The following NAV3 variants were observed in gnomAD, a reference collection of about 807,000 sequenced individuals.
NAV3 encodes the protein pore membrane and/or filament interacting like protein 1.
NAV3 carries 87 observed loss-of-function variants against 244.7 expected under a neutral mutation model. The ratio of observed to expected loss-of-function variants is 0.36; its 90% CI spans 0.30 to 0.42. The LOEUF (loss-of-function observed/expected upper bound fraction) is 0.42, where lower values mean the gene tolerates loss of function less well. Ranked by LOEUF, NAV3 falls within the 20% of genes least tolerant of loss-of-function variation. The pLI is 1.00. For synonymous variants in NAV3, 1,126 were observed against 1,042.2 expected (o/e 1.08, Z -1.55); for missense variants, 2,663 against 2,893.3 (o/e 0.92, Z 1.83).
chr12:77,739,394 G>A (rs995339123), intron 2 of NAV3, among the ~76,000 whole-genome samples: 1 of 150,676 alleles, frequency 6.6e-6, no homozygotes, highest in Non-Finnish European at 1.5e-5. Flanking sequence ...TGTGTATAGC[G>A]CATATCTATA....
At chr12:78,006,193 C>T (rs896895899) in intron 7 of NAV3, among the ~76,000 whole-genome samples, 9 of 151,932 alleles carry the variant, frequency 5.9e-5, no homozygotes, top group Non-Finnish European at 8.8e-5. Flanking sequence ...AAAATAAACA[C>T]GTCCCCCCAC....
At chr12:77,934,873 A>G (rs1348221171) in intron 1 of NAV3, among the ~76,000 whole-genome samples, 1 of 152,186 alleles carries the variant, frequency 6.6e-6, no homozygotes, top group Non-Finnish European at 1.5e-5. Context: ...CTCAGCTAAT[A>G]TTTTTAAATC....
At chr12:77,985,909 C>T (rs1441757034) in intron 5 of NAV3, among the ~76,000 whole-genome samples, 1 of 152,170 alleles carries the variant, frequency 6.6e-6, no homozygotes, top group Non-Finnish European at 1.5e-5. Flanking sequence ...CTCACTCTTA[C>T]ATATCTAAGG....
chr12:78,068,428 A>G (rs1020939136), intron 12 of NAV3, among the ~76,000 whole-genome samples: 10 of 150,882 alleles, frequency 6.6e-5, no homozygotes, highest in African/African-American at 1.2e-4. Context: ...TTCAGCTTCA[A>G]AAAAGTTGGT....
intron 2 of NAV3, among the ~76,000 whole-genome samples, chr12:77,650,890 T>C (rs896006098): frequency 2.6e-5 from 4 of 152,142 alleles, no homozygotes; most frequent in African/African-American, 9.6e-5. Flanking sequence ...CTGATAATGA[T>C]AGGAACAGCT....
In NAV3 at chr12:77,739,907, A is replaced by G. The variant is rs575387498; in HGVS notation, c.72+167641A>G. Among the ~76,000 whole-genome samples, 7 of 152,332 alleles carry G rather than the reference A, an allele frequency of 4.6e-5. 1 individual carries two copies. In the East Asian group the frequency reaches 1.3e-3, roughly 29 times the overall value. On this transcript the variant is annotated intron_variant, in intron 2 of 8. Transcript: ENST00000550042. ...TAAAAGACAAGTGTCCCAGTGTTTT[A>G]TAATGACTCACACAGTAATTTTTTC...
chr12:77,767,643 A>T (rs1169650549), intron 2 of NAV3, among the ~76,000 whole-genome samples: 1 of 152,210 alleles, frequency 6.6e-6, no homozygotes, highest in Non-Finnish European at 1.5e-5. Context: ...GCCTGCAGCT[A>T]AATCACATGC....
At chr12:77,627,329 T>C (rs74451174) in intron 2 of NAV3, among the ~76,000 whole-genome samples, 46 of 152,152 alleles carry the variant, frequency 3.0e-4, no homozygotes, top group African/African-American at 1.1e-3. Flanking sequence ...ATCAATACAA[T>C]CATTAAACAA....
In NAV3 at chr12:77,600,826, C is replaced by T. The variant is rs139415379; in HGVS notation, c.72+28560C>T. On this transcript the variant is annotated intron_variant, in intron 2 of 8. Transcript: ENST00000550042. The stretch of plus-strand genomic sequence containing the variant: ...ATCTAGCAGACATTGGGCTCTGGCT[C>T]CTAGTATCTTTTCAGGCAAATTTAT... Among the ~76,000 whole-genome samples the T allele has an allele frequency of 1.0e-3, 158 of 152,022 alleles. 1 individual carries two copies. The highest frequency in any genetic ancestry group is 3.5e-3 in the African/African-American group (145 of 41,510).
At chr12:78,189,923 A>G (rs1478380454) in intron 33 of NAV3, 61 bp from the exon 34 acceptor site, 1 of 1,258,920 alleles carries the variant, frequency 7.9e-7, no homozygotes, top group Non-Finnish European at 1.1e-6. Context: ...TTAGCATGAT[A>G]TTTTAAATTC....
chr12:77,862,459 A>G (rs1565866946), intron 1 of NAV3, among the ~76,000 whole-genome samples: 1 of 151,746 alleles, frequency 6.6e-6, no homozygotes, highest in African/African-American at 2.4e-5. Context: ...AGGATCATCT[A>G]TAACTGATGC....
chr12:77,691,604 C>G (rs1056237814), intron 2 of NAV3, among the ~76,000 whole-genome samples: 3 of 151,204 alleles, frequency 2.0e-5, no homozygotes, highest in Non-Finnish European at 3.0e-5. Flanking sequence ...ATATGAATGA[C>G]CAGACATTAA....
chr12:77,831,662 G>A lies in NAV3; in HGVS notation c.201G>A (p.Lys67=), dbSNP rs2136079377. ...AATCAACCTGTGAATTTGGAGAGAA[G>A]AAACCCCTCCAAGGAAAAGCCAAGG... The part of the protein sequence containing the change: ...ALKSTCEFGE[K]KPLQGKAKEK... Residue 67 remains lysine (K), a synonymous_variant, in exon 1 of 40, where the codon AAG becomes AAA. Transcript: ENST00000397909. 1 of 1,613,372 alleles carries A rather than the reference G, an allele frequency of 6.2e-7. No homozygotes were observed. The highest frequency in any genetic ancestry group is 1.3e-5 in the African/African-American group (1 of 74,982).
At chr12:77,607,884 C>T (rs564506548) in intron 2 of NAV3, among the ~76,000 whole-genome samples, 16 of 151,964 alleles carry the variant, frequency 1.1e-4, no homozygotes, top group Non-Finnish European at 1.8e-4. Flanking sequence ...AAAGTTGCCC[C>T]GTAAATAATT....
At chr12:78,000,646 G>GGCGCCCGCCACC (rs1234094384) in intron 7 of NAV3, among the ~76,000 whole-genome samples, 1 of 139,826 alleles carries the variant, frequency 7.2e-6, no homozygotes, top group East Asian at 2.2e-4. Flanking sequence ...TGGGACTACA[G>GGCGCCCGCCACC]GCGCCCGCCA....
chr12:77,685,847 G>T (rs1218674255), intron 2 of NAV3, among the ~76,000 whole-genome samples: 1 of 152,188 alleles, frequency 6.6e-6, no homozygotes, highest in Non-Finnish European at 1.5e-5. Flanking sequence ...TAAACACAAT[G>T]AATACATTTT....
At chr12:77,879,466 G>A (rs527650270) in intron 1 of NAV3, among the ~76,000 whole-genome samples, 105 of 152,030 alleles carry the variant, frequency 6.9e-4, no homozygotes, top group African/African-American at 2.3e-3. Flanking sequence ...GCAGGAGTTC[G>A]AGACCAGCCT....
intron 2 of NAV3, among the ~76,000 whole-genome samples, chr12:77,588,999 C>G (rs17043932): frequency 0.026 from 3,887 of 152,106 alleles, 169 homozygotes; most frequent in African/African-American, 0.089. Flanking sequence ...AGTCCTGTAC[C>G]CTGGACTGAG....
intron 5 of NAV3, among the ~76,000 whole-genome samples, chr12:77,980,017 T>G (rs1034420356): frequency 6.6e-6 from 1 of 152,028 alleles, no homozygotes; most frequent in Non-Finnish European, 1.5e-5. Flanking sequence ...AAAACAGGAA[T>G]GAGGGAGGGA....
Sources: gnomAD v4.1 joint callset for allele counts (sites outside exome capture counted in the v4.1 genomes callset) on GRCh38, gnomAD v4.1.1 for gene constraint, MANE v1.5 for transcripts, NCBI Gene and HGNC (gene_info 2026-07-23, HGNC 2026-07-21) for gene names.